MAPK8IP3: variants seen among roughly 807,000 people sequenced by gnomAD.
MAPK8IP3 encodes the protein C-Jun-amino-terminal kinase-interacting protein 3.
MAPK8IP3 carries 49 observed loss-of-function variants against 157.8 expected under a neutral mutation model. That is an observed-to-expected ratio of 0.31 (90% confidence interval 0.25 to 0.39). The LOEUF (loss-of-function observed/expected upper bound fraction) is 0.39, where lower values mean the gene tolerates loss of function less well. Ranked by LOEUF, MAPK8IP3 falls within the 10% of genes least tolerant of loss-of-function variation. MAPK8IP3 has a pLI of 1.00. For synonymous variants in MAPK8IP3, 897 were observed against 777.7 expected (o/e 1.15, Z -2.55); for missense variants, 1,478 against 1,889.4 (o/e 0.78, Z 4.04).
intron 19 of MAPK8IP3, 83 bp from the exon 20 acceptor site, chr16:1,764,930 G>C: frequency 7.2e-7 from 1 of 1,398,358 alleles, no homozygotes; most frequent in Admixed American, 2.0e-5. Flanking sequence ...GATCCTGACA[G>C]ATTCTGGGAG....
Position 1,764,132 on chromosome 16 carries a change from C to T in MAPK8IP3, c.2043C>T (p.Gly681=). The T allele has an allele frequency of 1.9e-6, 3 of 1,610,284 alleles. No homozygotes were observed. The highest frequency in any genetic ancestry group is 2.2e-5 in the South Asian group (2 of 90,880). ...AKYKQLSPNG[G]QEDTRMKNVP... ...CCCTGCAGCTGAGTCCCAACGGGGG[C>T]CAGGAGGACACGCGGATGAAGAACG... Residue 681 remains glycine (G), a synonymous_variant, in exon 18 of 32, where the codon GGC becomes GGT. Transcript: ENST00000610761.
rs201073807 is a variant in MAPK8IP3 at position 1,706,378 on chromosome 16, G to A, written c.39G>A (p.Val13=). The A allele has an allele frequency of 6.8e-3, 10,883 of 1,610,328 alleles. 329 individuals carry two copies. The South Asian group carries it at 0.079, about 12-fold the overall frequency. The part of the protein sequence containing the change: ...EIQMDEGGGV[V]VYQDDYCSGS... ...AGATGGACGAGGGCGGCGGCGTGGT[G>A]GTGTACCAGGACGACTACTGCTCCG... Residue 13 remains valine, a synonymous_variant, in exon 1 of 32, where the codon GTG becomes GTA. Coordinates refer to ENST00000610761, the MANE Select transcript of MAPK8IP3 (RefSeq NM_001318852.2). The surrounding 1 kb of genome is among the most constrained non-coding windows in gnomAD (Gnocchi z 5.1).
At chr16:1,739,822 GCA>G (rs2040521587) in intron 4 of MAPK8IP3, among the ~76,000 whole-genome samples, 1 of 118,538 alleles carries the variant, frequency 8.4e-6, no homozygotes, top group Admixed American at 8.9e-5. Flanking sequence ...GAGCGTGTGA[GCA>G]TCCGTGTGAC....
chr16:1,765,065 C>CCAG lies in MAPK8IP3; in HGVS notation c.2336_2338dup (p.Ser779dup). On this transcript the variant is annotated inframe_insertion, in exon 20 of 32. Transcript: ENST00000610761. ...ACCTCCAGCCGGGTGTGGATCCTGA[C>CCAG]CAGCACCCTGACCACCAGCAAGGTG... 1 of 1,612,496 alleles carries CCAG rather than the reference C, an allele frequency of 6.2e-7. No homozygotes were observed. Among genetic ancestry groups the CCAG allele is most frequent in the Non-Finnish European group, 8.5e-7 (1 of 1,179,758 alleles).
rs987909832 is a variant in MAPK8IP3, at chr16:1,758,168, C to A, written c.1228+9C>A. ...GCCAGGGGAGTTCTCAGGTGAGTAT[C>A]TCACTCTCCTGTCTGTCTCCCCTCT... On this transcript the variant is annotated intron_variant, in intron 9 of 31. Coordinates refer to ENST00000610761, the MANE Select transcript of MAPK8IP3 (RefSeq NM_001318852.2). 1.9e-6 allele frequency: 3 copies of A among 1,613,496 alleles called. No individual in the cohort carries two copies. The highest frequency in any genetic ancestry group is 8.5e-7 in the Non-Finnish European group (1 of 1,179,776).
rs1243469244 is a variant in MAPK8IP3 at position 1,741,065 on chromosome 16, C to T, written c.603-2267C>T. On this transcript the variant is annotated intron_variant, in intron 4 of 31. Transcript: ENST00000610761. This position sits in a 1 kb window ranked among gnomAD's most constrained non-coding sequence, Gnocchi z 6.9. ...GGGCTGGTGCTGACTCGGGGGGCGA[C>T]GGGCCAAGGAAGGGCCCCTCTCTGC... 2.6e-5 allele frequency among the ~76,000 whole-genome samples: 4 copies of T among 152,094 alleles called. No individual in the cohort carries two copies. Among genetic ancestry groups the T allele is most frequent in the South Asian group, 2.1e-4 (1 of 4,824 alleles).
At chr16:1,740,274 G>A (rs368055261) in intron 4 of MAPK8IP3, among the ~76,000 whole-genome samples, 19 of 149,578 alleles carry the variant, frequency 1.3e-4, no homozygotes, top group East Asian at 8.0e-4. Flanking sequence ...GTGACCGTCC[G>A]TGTGAGTGTC....
chr16:1,737,786 A>G (rs2040129074), intron 4 of MAPK8IP3, among the ~76,000 whole-genome samples: 1 of 70,086 alleles, frequency 1.4e-5, no homozygotes, highest in African/African-American at 6.4e-5. Context: ...GTGACCATCC[A>G]TGTGAGCATC....
chr16:1,767,058 TC>T (rs2042312688), intron 25 of MAPK8IP3, 87 bp downstream of exon 25: 2 of 1,578,514 alleles, frequency 1.3e-6, no homozygotes, highest in Admixed American at 1.7e-5. Flanking sequence ...TCCAGGCCTC[TC>T]CTTAGTCTGG....
Position 1,762,544 on chromosome 16 carries a change from C to T in MAPK8IP3, c.1670+63C>T, listed in dbSNP as rs1197816357. On this transcript the variant is annotated intron_variant, in intron 14 of 31. Coordinates refer to ENST00000610761, the MANE Select transcript of MAPK8IP3 (RefSeq NM_001318852.2). ...CATCCCTGACGGCAGGACTGCGGCT[C>T]CCTCCTCTGCACCTCCCTGTCTTCT... 18 of 1,597,528 alleles carry T rather than the reference C, an allele frequency of 1.1e-5. No homozygotes were observed. The South Asian group carries it at 1.7e-4, about 15-fold the overall frequency.
chr16:1,767,423 T>A (rs1455584623), intron 26 of MAPK8IP3, 126 bp downstream of exon 26: 7 of 1,499,962 alleles, frequency 4.7e-6, no homozygotes, highest in Non-Finnish European at 5.5e-6. Flanking sequence ...CACCTATGAC[T>A]CAGGCTCGAA....
Position 1,767,165 on chromosome 16 carries a change from G to C in MAPK8IP3, c.3105G>C (p.Leu1035=), listed in dbSNP as rs559241066. 27 of 1,613,176 alleles carry C rather than the reference G, an allele frequency of 1.7e-5. No homozygotes were observed. The East Asian group carries it at 6.0e-4, about 36-fold the overall frequency. The change falls in exon 26 of 32, where the codon CTG becomes CTC. Residue 1035 remains leucine (L), a synonymous_variant. Coordinates refer to ENST00000610761, the MANE Select transcript of MAPK8IP3 (RefSeq NM_001318852.2). The part of the protein sequence containing the change: ...FHRGEDGQWD[L]SNYHLMDLGH... ...TCCCTCCAGATGGCCAGTGGGATCT[G>C]AGCAACTATCACCTAATGGACCTGG...
At position 1,766,346 on chromosome 16, in the gene MAPK8IP3, C is replaced by T. The variant is rs1008824829; in HGVS notation, c.2756C>T (p.Pro919Leu). The change falls in exon 22 of 32, where the codon CCT becomes CTT. Residue 919 changes from proline (P) to leucine (L), a missense_variant. Physicochemically the swap from Pro to Leu is moderately conservative, Grantham distance 98 (BLOSUM62 -3). This residue lies in a region of MAPK8IP3 where 669 missense variants were observed against 759.8 expected (regional missense o/e 0.88). Transcript: ENST00000610761. The part of the protein sequence containing the change: ...EPETATLRPG[P>L]LTEHVFTDPA... ...GAGACAGCCACATTGCGGCCCGGGC[C>T]TCTCACAGAGCACGTCTTCACTGAC... is the stretch of plus-strand genomic sequence containing the variant. 1.2e-6 allele frequency: 2 copies of T among 1,612,742 alleles called. No individual in the cohort carries two copies. Among genetic ancestry groups the T allele is most frequent in the African/African-American group, 1.3e-5 (1 of 75,068 alleles).
chr16:1,740,891 G>A (rs1251619774), intron 4 of MAPK8IP3, among the ~76,000 whole-genome samples: 1 of 152,204 alleles, frequency 6.6e-6, no homozygotes, highest in Non-Finnish European at 1.5e-5. Context: ...ACACTGAGAA[G>A]GTGGCGACCA....
intron 4 of MAPK8IP3, among the ~76,000 whole-genome samples, chr16:1,731,996 C>T (rs2039345290): frequency 6.6e-6 from 1 of 152,132 alleles, no homozygotes; most frequent in African/African-American, 2.4e-5. Context: ...GGGGAGCCTG[C>T]CTAGAATGGG....
chr16:1,733,553 A>G (rs915008818), intron 4 of MAPK8IP3, among the ~76,000 whole-genome samples: 17 of 152,178 alleles, frequency 1.1e-4, no homozygotes, highest in African/African-American at 4.1e-4. Flanking sequence ...TGTGGGGCAG[A>G]AGGTGGCCCA....
In MAPK8IP3 at chr16:1,747,180, G is replaced by A. The variant is rs754814897; in HGVS notation, c.899G>A (p.Gly300Asp). The change falls in exon 6 of 32, where the codon GGC becomes GAC. Residue 300 changes from glycine to aspartate, a missense_variant. By Grantham distance (94) the Gly-to-Asp change is moderately conservative (BLOSUM62 -1). Around this residue, in one of 11 missense-constraint regions of MAPK8IP3, gnomAD observed 315 missense variants for 394.4 expected, o/e 0.80. Coordinates refer to ENST00000610761, the MANE Select transcript of MAPK8IP3 (RefSeq NM_001318852.2). ...AGCCTGCAGCCCCTGGGGGACTATG[G>A]CGTGGGCTCCAAGAACAGCAAGCGT... ...NESLQPLGDYGVGSKNSKRAR... is the reference protein window; with the variant it reads ...NESLQPLGDYDVGSKNSKRAR... The A allele has an allele frequency of 6.2e-7, 1 of 1,613,936 alleles. No individual in the cohort carries two copies. Among genetic ancestry groups the A allele is most frequent in the South Asian group, 1.1e-5 (1 of 91,086 alleles).
intron 1 of MAPK8IP3, among the ~76,000 whole-genome samples, chr16:1,708,502 G>A (rs542868386): frequency 8.5e-4 from 129 of 152,338 alleles, no homozygotes; most frequent in African/African-American, 2.9e-3. Flanking sequence ...GATGGACAAC[G>A]TTAAGGCTAG....
At chr16:1,766,669 G>A (rs775436240) in intron 23 of MAPK8IP3, 21 bp downstream of exon 23, 2 of 1,612,496 alleles carry the variant, frequency 1.2e-6, no homozygotes, top group East Asian at 2.2e-5. Flanking sequence ...CCCGGGGCAA[G>A]GTGGAGGGAG....
Sources: gnomAD v4.1 joint callset for allele counts (sites outside exome capture counted in the v4.1 genomes callset) on GRCh38, gnomAD v4.1.1 for gene constraint, gnomAD v4.1.1 regional missense constraint, Gnocchi (gnomAD v3.1) non-coding constraint, MANE v1.5 for transcripts, NCBI Gene and HGNC (gene_info 2026-07-23, HGNC 2026-07-21) for gene names.